Variants in PSTPIP1 observed in about 807,000 individuals in gnomAD.
The protein encoded by PSTPIP1 is proline-serine-threonine phosphatase interacting protein 1.
PSTPIP1 carries 66 observed loss-of-function variants against 69.6 expected under a neutral mutation model. The ratio of observed to expected loss-of-function variants is 0.95; its 90% CI spans 0.78 to 1.16. The LOEUF (loss-of-function observed/expected upper bound fraction) is 1.16, where lower values mean the gene tolerates loss of function less well. Ranked by LOEUF, PSTPIP1 falls within the 50% of genes most tolerant of loss-of-function variation. PSTPIP1 has a pLI of 0.00. For missense variants in PSTPIP1, 603 were observed against 557.4 expected (o/e 1.08, Z -0.82); for synonymous variants, 266 against 222.7 (o/e 1.19, Z -1.73).
At chr15:76,997,371 T>TA in intron 1 of PSTPIP1, among the ~76,000 whole-genome samples, 1 of 152,304 alleles carries the variant, frequency 6.6e-6, no homozygotes, top group South Asian at 2.1e-4. Flanking sequence ...AAGGTCACTG[T>TA]AGGCATCACC....
rs1000171620 is a variant in PSTPIP1, at chr15:77,027,036, T to C, written c.355-816T>C. Among the ~76,000 whole-genome samples, 14 of 152,244 alleles carry C rather than the reference T, an allele frequency of 9.2e-5. No homozygotes were observed. The highest frequency in any genetic ancestry group is 1.9e-4 in the Non-Finnish European group (13 of 68,038). On this transcript the variant is annotated intron_variant, in intron 5 of 14. Coordinates refer to ENST00000558012, the MANE Select transcript of PSTPIP1 (RefSeq NM_003978.5). The surrounding 1 kb of genome is among the most constrained non-coding windows in gnomAD (Gnocchi z 4.3). ...AGAGCAAGGACATGTGCTTACAGGA[T>C]GGTGCACACGTGCCTACGCTCCCCT...
chr15:76,998,732 G>A (rs2152662041), intron 1 of PSTPIP1, among the ~76,000 whole-genome samples: 1 of 152,322 alleles, frequency 6.6e-6, no homozygotes, highest in East Asian at 1.9e-4. Flanking sequence ...CTCAGCATGG[G>A]AGCAGACACA....
At position 77,035,955 on chromosome 15, in the gene PSTPIP1, A is replaced by G; in HGVS notation, c.1119+20A>G. 6.4e-7 allele frequency: 1 copy of G among 1,573,094 alleles called. No homozygotes were observed. Among genetic ancestry groups the G allele is most frequent in the Non-Finnish European group, 8.6e-7 (1 of 1,160,810 alleles). ...GCGCAGGTGAGGCCTCTATACCCCA[A>G]ACCCACCTGTGCCACCTCCCCTGCA... On this transcript the variant is annotated intron_variant, in intron 14 of 14. Coordinates refer to ENST00000558012, the MANE Select transcript of PSTPIP1 (RefSeq NM_003978.5).
chr15:77,030,028 T>A (rs1435324864), intron 8 of PSTPIP1, among the ~76,000 whole-genome samples: 2 of 151,686 alleles, frequency 1.3e-5, no homozygotes, highest in Non-Finnish European at 2.9e-5. Flanking sequence ...CCCACCCTCC[T>A]CCCTTCCCCT....
At chr15:77,030,407 C>T in intron 8 of PSTPIP1, 95 bp from the exon 9 acceptor site, 1 of 1,324,386 alleles carries the variant, frequency 7.6e-7, no homozygotes, top group East Asian at 2.5e-5. Context: ...AGGCGGGGCT[C>T]CCAGTGGGAG....
chr15:77,025,167 A>G (rs1289636954), intron 3 of PSTPIP1, 117 bp from the exon 4 acceptor site: 4 of 1,179,388 alleles, frequency 3.4e-6, no homozygotes, highest in African/African-American at 3.0e-5. Flanking sequence ...AGAGTGACCC[A>G]GGGTCTTCCC....
At position 77,030,525 on chromosome 15, in the gene PSTPIP1, G is replaced by A. The variant is rs758911910; in HGVS notation, c.586G>A (p.Ala196Thr). The change falls in exon 9 of 15, where the codon GCG (alanine) becomes ACG (threonine). Residue 196 changes from alanine to threonine, a missense_variant. Transcript: ENST00000558012. ...AGAGCGGGTATACAGGCAGAGCATTGCGCAGCTGGAGAAGGTCCGGGCTGA... is the reference window on the plus strand; with the variant it reads ...AGAGCGGGTATACAGGCAGAGCATTACGCAGCTGGAGAAGGTCCGGGCTGA... ...EAERVYRQSI[A>T]QLEKVRAEWE... 31 of 1,612,652 alleles carry A rather than the reference G, an allele frequency of 1.9e-5. No homozygotes were observed. The East Asian group carries it at 6.7e-4, about 35-fold the overall frequency.
At chr15:77,028,719 G>A in intron 7 of PSTPIP1, 67 bp downstream of exon 7, 2 of 1,337,334 alleles carry the variant, frequency 1.5e-6, no homozygotes, top group Non-Finnish European at 2.0e-6. Flanking sequence ...CAAGGAAGGG[G>A]TGCCGTAGAC....
chr15:77,019,131 G>C (rs1224099308), intron 3 of PSTPIP1, among the ~76,000 whole-genome samples: 1 of 152,236 alleles, frequency 6.6e-6, no homozygotes, highest in Non-Finnish European at 1.5e-5. Flanking sequence ...CTCTGATGAA[G>C]CGGGAGTCTC....
At chr15:77,036,386 C>A (rs1475157730) in intron 14 of PSTPIP1, among the ~76,000 whole-genome samples, 1 of 152,144 alleles carries the variant, frequency 6.6e-6, no homozygotes, top group African/African-American at 2.4e-5. Flanking sequence ...TCCTTCGTGG[C>A]CATGGGTGTG....
At chr15:77,006,082 C>A (rs1330853460) in intron 1 of PSTPIP1, among the ~76,000 whole-genome samples, 1 of 152,108 alleles carries the variant, frequency 6.6e-6, no homozygotes, top group African/African-American at 2.4e-5. Context: ...TTCCCATCAG[C>A]AATGCAAAAG....
At chr15:76,994,821 C>T (rs534732228), upstream of PSTPIP1, 45 of 1,289,008 alleles carry the variant, frequency 3.5e-5, 1 homozygote, top group Middle Eastern at 1.3e-3. Flanking sequence ...CCTGGGTAAG[C>T]CCCTCCAGAA....
intron 3 of PSTPIP1, among the ~76,000 whole-genome samples, chr15:77,021,378 G>A (rs555636185): frequency 6.6e-6 from 1 of 152,340 alleles, no homozygotes; most frequent in East Asian, 1.9e-4. Flanking sequence ...ATCCCCACCA[G>A]CGCTTTCAGT....
At chr15:76,997,696 C>T (rs775253052) in intron 1 of PSTPIP1, among the ~76,000 whole-genome samples, 1 of 152,094 alleles carries the variant, frequency 6.6e-6, no homozygotes. Flanking sequence ...CTTTTGGCTT[C>T]GGGGTAAGAT....
intron 8 of PSTPIP1, 34 bp from the exon 9 acceptor site, chr15:77,030,468 T>G: frequency 8.1e-6 from 13 of 1,603,254 alleles, no homozygotes; most frequent in Non-Finnish European, 1.1e-5. Flanking sequence ...GGAGCTCGTG[T>G]CAGGGCCCTC....
intron 1 of PSTPIP1, among the ~76,000 whole-genome samples, chr15:77,014,507 G>A (rs1400549711): frequency 1.3e-5 from 2 of 152,208 alleles, no homozygotes; most frequent in Non-Finnish European, 2.9e-5. Context: ...CTAGAGGGGC[G>A]GGCTGTCAGG....
intron 11 of PSTPIP1, 131 bp from the exon 12 acceptor site, chr15:77,032,731 C>T: frequency 1.3e-6 from 1 of 758,724 alleles, no homozygotes; most frequent in Non-Finnish European, 2.2e-6. Flanking sequence ...CTCATGGGAG[C>T]AAGACAGGCA....
intron 1 of PSTPIP1, among the ~76,000 whole-genome samples, chr15:77,000,994 C>A (rs893163347): frequency 6.6e-6 from 1 of 152,132 alleles, no homozygotes; most frequent in African/African-American, 2.4e-5. Flanking sequence ...TAGCGTAACT[C>A]ACTCCATCGG....
chr15:77,023,195 G>A (rs1005322123), intron 3 of PSTPIP1, among the ~76,000 whole-genome samples: 3 of 152,258 alleles, frequency 2.0e-5, no homozygotes, highest in African/African-American at 7.2e-5. Context: ...TGGGGACAAT[G>A]AGGAGGAGAG....
Sources: gnomAD v4.1 joint callset for allele counts (sites outside exome capture counted in the v4.1 genomes callset) on GRCh38, gnomAD v4.1.1 for gene constraint, Gnocchi (gnomAD v3.1) non-coding constraint, MANE v1.5 for transcripts, NCBI Gene and HGNC (gene_info 2026-07-23, HGNC 2026-07-21) for gene names.